The following MRPL44 variants were observed in gnomAD, a reference collection of about 807,000 sequenced individuals.
MRPL44 encodes large ribosomal subunit protein mL44.
MRPL44 carries 21 observed loss-of-function variants against 25.9 expected under a neutral mutation model. That is an observed-to-expected ratio of 0.81 (90% CI 0.58 to 1.17). The LOEUF is 1.17. Ranked by LOEUF, MRPL44 falls within the 50% of genes most tolerant of loss-of-function variation. The pLI is 0.00. For missense variants in MRPL44, 410 were observed against 398.9 expected (o/e 1.03, Z -0.24); for synonymous variants, 169 against 151.0 (o/e 1.12, Z -0.87).
intron 2 of MRPL44, among the ~76,000 whole-genome samples, chr2:223,960,628 T>G (rs963617855): frequency 6.6e-6 from 1 of 152,246 alleles, no homozygotes; most frequent in African/African-American, 2.4e-5. Flanking sequence ...CCTATCTGAC[T>G]GACATTCAGT....
At chr2:223,959,235 AT>A (rs1213846705) in intron 1 of MRPL44, among the ~76,000 whole-genome samples, 2 of 152,226 alleles carry the variant, frequency 1.3e-5, no homozygotes, top group Admixed American at 6.5e-5. Flanking sequence ...TAGAGCAGAA[AT>A]AAGGAACCTA....
At chr2:223,961,025 G>A (rs1364457740) in intron 2 of MRPL44, among the ~76,000 whole-genome samples, 1 of 152,180 alleles carries the variant, frequency 6.6e-6, no homozygotes, top group Non-Finnish European at 1.5e-5. Flanking sequence ...GAATTGACAG[G>A]TTTGTATTGT....
At chr2:223,954,109 C>A (rs1689530536), upstream of MRPL44, among the ~76,000 whole-genome samples, 1 of 152,184 alleles carries the variant, frequency 6.6e-6, no homozygotes, top group African/African-American at 2.4e-5. Flanking sequence ...TCTATACCTA[C>A]AGGGGTTAAA....
At chr2:223,962,846 C>T (rs1689684748) in intron 2 of MRPL44, among the ~76,000 whole-genome samples, 1 of 152,010 alleles carries the variant, frequency 6.6e-6, no homozygotes, top group South Asian at 2.1e-4. Context: ...GGTTTACAGG[C>T]GTGCAGCATC....
chr2:223,967,034 G>C lies in MRPL44; in HGVS notation c.999G>C (p.Ter333TyrextTer10), dbSNP rs748222960. 6.2e-7 allele frequency: 1 copy of C among 1,607,054 alleles called. No homozygotes were observed. Among genetic ancestry groups the C allele is most frequent in the Non-Finnish European group, 8.5e-7 (1 of 1,176,368 alleles). The change falls in exon 4 of 4, where the codon TAG becomes TAC. Residue 333 changes from the stop codon to tyrosine (Y), a stop_lost. Transcript: ENST00000258383. ...CAGAAAAGAGCATCACTGCCAGCTA[G>C]CCGCCATGGATGCAGCAGCCTGAAA... The part of the protein sequence containing the change: ...LRAEKSITAS[*>Y]
intron 1 of MRPL44, among the ~76,000 whole-genome samples, chr2:223,959,070 C>T (rs1444184761): frequency 6.6e-6 from 1 of 152,180 alleles, no homozygotes; most frequent in Non-Finnish European, 1.5e-5. Context: ...GAGACTTGAG[C>T]ATCCATGAAT....
At chr2:223,954,852 GAGCCA>G (rs1689542206), upstream of MRPL44, among the ~76,000 whole-genome samples, 1 of 152,140 alleles carries the variant, frequency 6.6e-6, no homozygotes, top group African/African-American at 2.4e-5. Flanking sequence ...GGCTTGTTGA[GAGCCA>G]TCTTGCTGGC....
chr2:223,963,070 A>C (rs1174435113), intron 2 of MRPL44, among the ~76,000 whole-genome samples: 2 of 152,170 alleles, frequency 1.3e-5, no homozygotes, highest in Non-Finnish European at 2.9e-5. Context: ...ATTTTACATG[A>C]GTTTCTATGA....
At chr2:223,959,234 A>T (rs1006229230) in intron 1 of MRPL44, among the ~76,000 whole-genome samples, 2 of 152,220 alleles carry the variant, frequency 1.3e-5, no homozygotes, top group Admixed American at 6.5e-5. Context: ...TTAGAGCAGA[A>T]ATAAGGAACC....
the MRPL44 span, among the ~76,000 whole-genome samples, chr2:223,951,235 G>A: frequency 7.9e-5 from 12 of 152,342 alleles, no homozygotes; most frequent in Non-Finnish European, 1.6e-4. Flanking sequence ...TTCAAGTGGT[G>A]ATAGAAGAGC....
chr2:223,957,266 C>G, upstream of MRPL44: 1 of 621,610 alleles, frequency 1.6e-6, no homozygotes, highest in Non-Finnish European at 2.8e-6. Context: ...GAGGAGAGAA[C>G]TAGCGCAAGC....
chr2:223,963,826 T>G lies in MRPL44; in HGVS notation c.719T>G (p.Leu240Arg). 1 of 1,613,868 alleles carries G rather than the reference T, an allele frequency of 6.2e-7. No homozygotes were observed. The highest frequency in any genetic ancestry group is 8.5e-7 in the Non-Finnish European group (1 of 1,179,862). ...TGGAAGATAATAAATCCCATGGGGC[T>G]ATTGGTAGAAGAACTGAAGAAAAGG... ...EMWKIINPMG[L>R]LVEELKKRNV... Residue 240 changes from leucine (L) to arginine (R), a missense_variant, in exon 3 of 4, where the codon CTA becomes CGA. By Grantham distance (102) the Leu-to-Arg change is moderately radical. Transcript: ENST00000258383.
chr2:223,962,589 A>G (rs1325051851), intron 2 of MRPL44, among the ~76,000 whole-genome samples: 4 of 152,216 alleles, frequency 2.6e-5, no homozygotes, highest in Non-Finnish European at 2.9e-5. Context: ...GGCAAAATCA[A>G]TTCTGCTTTG....
chr2:223,962,317 C>A (rs939030749), intron 2 of MRPL44, among the ~76,000 whole-genome samples: 3 of 152,130 alleles, frequency 2.0e-5, no homozygotes, highest in African/African-American at 7.2e-5. Flanking sequence ...TATCAGCCAC[C>A]ACGCCTGGCC....
the MRPL44 span, among the ~76,000 whole-genome samples, chr2:223,951,701 A>T: frequency 6.6e-6 from 1 of 151,616 alleles, no homozygotes; most frequent in Admixed American, 6.6e-5. Context: ...CTGGTCTCGA[A>T]CTCCTGACCT....
chr2:223,959,920 C>T lies in MRPL44; in HGVS notation c.566C>T (p.Ala189Val), dbSNP rs895195802. The change falls in exon 2 of 4, where the codon GCT (alanine) becomes GTT (valine). Residue 189 changes from alanine to valine, a missense_variant. Coordinates refer to ENST00000258383, the MANE Select transcript of MRPL44 (RefSeq NM_022915.5). ...AGTGAAGAATTCCCAGTGCCCCCAGCTGTGTTACAGCAGACTTTCTTTGCA... is the reference window on the plus strand; with the variant it reads ...AGTGAAGAATTCCCAGTGCCCCCAGTTGTGTTACAGCAGACTTTCTTTGCA... ...TLSEEFPVPP[A>V]VLQQTFFAVI... 1.9e-6 allele frequency: 3 copies of T among 1,614,184 alleles called. No homozygotes were observed. In the South Asian group the frequency reaches 3.3e-5, roughly 18 times the overall value.
At chr2:223,963,723 A>C (rs979525715) in intron 2 of MRPL44, 33 bp from the exon 3 acceptor site, 1 of 1,381,356 alleles carries the variant, frequency 7.2e-7, no homozygotes, top group Non-Finnish European at 9.7e-7. Flanking sequence ...CTTTCTACTA[A>C]TTAAAATGTA....
At chr2:223,966,521 A>G (rs1232174890) in intron 3 of MRPL44, among the ~76,000 whole-genome samples, 1 of 152,184 alleles carries the variant, frequency 6.6e-6, no homozygotes, top group Non-Finnish European at 1.5e-5. Flanking sequence ...ATTCCTGATA[A>G]TATTTTTACT....
Position 223,959,917 on chromosome 2 carries a change from C to T in MRPL44, c.563C>T (p.Pro188Leu). Residue 188 changes from proline (P) to leucine (L), a missense_variant, in exon 2 of 4, where the codon CCA (proline) becomes CTA (leucine). Physicochemically the swap from Pro to Leu is moderately conservative, Grantham distance 98 (BLOSUM62 -3). Coordinates refer to ENST00000258383, the MANE Select transcript of MRPL44 (RefSeq NM_022915.5). ...CTGAGTGAAGAATTCCCAGTGCCCC[C>T]AGCTGTGTTACAGCAGACTTTCTTT... ...LTLSEEFPVP[P>L]AVLQQTFFAV... The T allele has an allele frequency of 6.2e-7, 1 of 1,614,228 alleles. No homozygotes were observed. Among genetic ancestry groups the T allele is most frequent in the Non-Finnish European group, 8.5e-7 (1 of 1,180,050 alleles).
Sources: gnomAD v4.1 joint callset for allele counts (sites outside exome capture counted in the v4.1 genomes callset) on GRCh38, gnomAD v4.1.1 for gene constraint, MANE v1.5 for transcripts, NCBI Gene and HGNC (gene_info 2026-07-23, HGNC 2026-07-21) for gene names.